RHBDD1: variants seen among roughly 807,000 people sequenced by gnomAD.
The protein encoded by RHBDD1 is rhomboid domain containing 1, also known as rhomboid-related protein 4.
In RHBDD1, 38 loss-of-function variants were observed where a neutral mutation model predicts 36.3. That is an observed-to-expected ratio of 1.05 (90% CI 0.81 to 1.37). RHBDD1 has a LOEUF of 1.37. Ranked by LOEUF, RHBDD1 falls within the 40% of genes most tolerant of loss-of-function variation. The pLI is 0.00. For synonymous variants in RHBDD1, 151 were observed against 136.5 expected, an observed-to-expected ratio of 1.11 and a Z score of -0.74; for missense variants, 393 against 377.6, an observed-to-expected ratio of 1.04 and a Z score of -0.34.
chr2:226,895,555 A>G (rs896737189), intron 5 of RHBDD1: 2 of 415,844 alleles, frequency 4.8e-6, no homozygotes, highest in Non-Finnish European at 6.5e-6. Flanking sequence ...CTGACTCTTT[A>G]ACCTCTGTGC....
chr2:226,803,846 C>T, the RHBDD1 span, among the ~76,000 whole-genome samples: 1 of 152,152 alleles, frequency 6.6e-6, no homozygotes, highest in Non-Finnish European at 1.5e-5. Context: ...GCTTGTAAAT[C>T]GGCTAGATCA....
the RHBDD1 span, among the ~76,000 whole-genome samples, chr2:226,817,914 C>A: frequency 1.3e-3 from 203 of 152,266 alleles, 5 homozygotes; most frequent in East Asian, 1.2e-3. Flanking sequence ...TTGACAGATA[C>A]CCTTTATGGT....
chr2:226,948,564 T>TAA (rs56325989), intron 8 of RHBDD1, among the ~76,000 whole-genome samples: 331 of 23,380 alleles, frequency 0.014, 6 homozygotes, highest in East Asian at 0.14. Flanking sequence ...ACTTAAAGTA[T>TAA]AAAAAAAAAA....
At chr2:226,920,339 T>C (rs1949222384) in intron 8 of RHBDD1, among the ~76,000 whole-genome samples, 1 of 152,102 alleles carries the variant, frequency 6.6e-6, no homozygotes, top group Non-Finnish European at 1.5e-5. Flanking sequence ...CAAACAAAGA[T>C]AATTTGGCTT....
At chr2:226,891,922 T>G (rs568933665) in intron 5 of RHBDD1, among the ~76,000 whole-genome samples, 1 of 152,320 alleles carries the variant, frequency 6.6e-6, no homozygotes, top group South Asian at 2.1e-4. Context: ...GGGTATCTGA[T>G]TGGCCAGTGC....
chr2:226,942,728 T>C (rs998419904), intron 8 of RHBDD1, among the ~76,000 whole-genome samples: 1 of 152,248 alleles, frequency 6.6e-6, no homozygotes, highest in East Asian at 1.9e-4. Flanking sequence ...GGATTTTTTT[T>C]AATTTTTAAA....
chr2:226,989,171 C>T (rs1957634118), intron 8 of RHBDD1, among the ~76,000 whole-genome samples: 2 of 152,182 alleles, frequency 1.3e-5, no homozygotes, highest in Non-Finnish European at 2.9e-5. Flanking sequence ...ATCTTTAAGC[C>T]TCAATTCCTC....
chr2:226,843,413 A>G (rs1455726675), intron 3 of RHBDD1, among the ~76,000 whole-genome samples: 5 of 152,160 alleles, frequency 3.3e-5, no homozygotes, highest in Non-Finnish European at 7.3e-5. Flanking sequence ...GGTTTGTCAT[A>G]TATGGCTCTT....
chr2:226,965,591 C>T (rs1317343408), intron 8 of RHBDD1, among the ~76,000 whole-genome samples: 1 of 152,046 alleles, frequency 6.6e-6, no homozygotes, highest in Non-Finnish European at 1.5e-5. Context: ...GACAGAATGC[C>T]TGCAATTGTG....
upstream of RHBDD1, among the ~76,000 whole-genome samples, chr2:226,835,324 G>A (rs1940862492): frequency 6.6e-6 from 1 of 152,164 alleles, no homozygotes; most frequent in Non-Finnish European, 1.5e-5. Context: ...CAATTAAAAT[G>A]GTATCAAATT....
chr2:226,905,305 A>G (rs1201856218), intron 5 of RHBDD1, among the ~76,000 whole-genome samples: 1 of 152,156 alleles, frequency 6.6e-6, no homozygotes, highest in South Asian at 2.1e-4. Flanking sequence ...GCTTCGTGCC[A>G]GAATAAGGTA....
At chr2:226,984,132 G>T in intron 8 of RHBDD1, among the ~76,000 whole-genome samples, 1 of 152,352 alleles carries the variant, frequency 6.6e-6, no homozygotes, top group East Asian at 1.9e-4. Flanking sequence ...TCTGTTCACC[G>T]CTCTGATCAC....
At chr2:226,896,053 ATATGT>A (rs781102298) in intron 5 of RHBDD1, among the ~76,000 whole-genome samples, 4 of 152,314 alleles carry the variant, frequency 2.6e-5, no homozygotes, top group African/African-American at 7.2e-5. Flanking sequence ...TGTCTGCATA[ATATGT>A]TATATGTATA....
In RHBDD1 at chr2:226,943,066, C is replaced by T. The variant is rs573385004; in HGVS notation, c.856+28715C>T. On this transcript the variant is annotated intron_variant, in intron 8 of 8. Coordinates refer to ENST00000392062, the MANE Select transcript of RHBDD1 (RefSeq NM_001167608.3). ...AAAACCAAGAGTCATATGTTGGTTT[C>T]CATTTATTATACAGTCACAAACAGC... Among the ~76,000 whole-genome samples the T allele has an allele frequency of 2.0e-5, 3 of 152,284 alleles. No individual in the cohort carries two copies. In the East Asian group the frequency reaches 5.8e-4, roughly 29 times the overall value.
chr2:226,965,432 C>G (rs1206839463), intron 8 of RHBDD1, among the ~76,000 whole-genome samples: 1 of 152,206 alleles, frequency 6.6e-6, no homozygotes, highest in Non-Finnish European at 1.5e-5. Flanking sequence ...GAAACTGATA[C>G]AAGCATCAAG....
At chr2:226,960,437 G>T (rs1270343027) in intron 8 of RHBDD1, among the ~76,000 whole-genome samples, 1 of 152,190 alleles carries the variant, frequency 6.6e-6, no homozygotes, top group Admixed American at 6.5e-5. Context: ...GCATTGGAAT[G>T]CTGACCAACA....
At chr2:226,912,101 A>G (rs1008532387) in intron 7 of RHBDD1, among the ~76,000 whole-genome samples, 3 of 152,210 alleles carry the variant, frequency 2.0e-5, no homozygotes, top group East Asian at 1.9e-4. Flanking sequence ...ACACATGGCC[A>G]ATAAGCACAT....
intron 5 of RHBDD1, among the ~76,000 whole-genome samples, chr2:226,900,401 A>C (rs1947489379): frequency 6.6e-6 from 1 of 152,192 alleles, no homozygotes; most frequent in South Asian, 2.1e-4. Flanking sequence ...TGATCTGTGT[A>C]GCTAAAGGCA....
chr2:226,892,136 A>G (rs1427615169), intron 5 of RHBDD1, among the ~76,000 whole-genome samples: 4 of 152,178 alleles, frequency 2.6e-5, no homozygotes, highest in Non-Finnish European at 5.9e-5. Context: ...ATTCAGCTCA[A>G]ATGGGCAGAT....
Sources: allele counts gnomAD v4.1 joint callset (sites outside exome capture counted in the v4.1 genomes callset), GRCh38; gene constraint gnomAD v4.1.1; transcripts MANE v1.5; gene names NCBI Gene and HGNC (gene_info 2026-07-23, HGNC 2026-07-21).